Variants in PDE4C observed in about 807,000 individuals in gnomAD.
PDE4C encodes 3',5'-cyclic-AMP phosphodiesterase 4C.
In PDE4C, 50 loss-of-function variants were observed where a neutral mutation model predicts 63.9. The ratio of observed to expected loss-of-function variants is 0.78; its 90% CI spans 0.62 to 0.99. The LOEUF is 0.99. Ranked by LOEUF, PDE4C falls within the 50% of genes least tolerant of loss-of-function variation. The probability of loss-of-function intolerance (pLI) is 0.00; values close to 1 mark genes in which losing one functional copy is unlikely to be tolerated. For missense variants in PDE4C, 777 were observed against 899.1 expected (o/e 0.86, Z 1.74); for synonymous variants, 377 against 385.1 (o/e 0.98, Z 0.25).
intron 12 of PDE4C, among the ~76,000 whole-genome samples, chr19:18,214,055 G>A (rs904146188): frequency 5.9e-5 from 9 of 151,984 alleles, no homozygotes; most frequent in Admixed American, 2.0e-4. Context: ...TCAGGAGATC[G>A]AGACCATCCT....
upstream of PDE4C, among the ~76,000 whole-genome samples, chr19:18,237,741 C>T (rs1411959711): frequency 1.3e-5 from 2 of 151,344 alleles, no homozygotes; most frequent in Admixed American, 6.6e-5. Flanking sequence ...GGCGTGGTGG[C>T]GGGCGCCTGT....
intron 1 of PDE4C, among the ~76,000 whole-genome samples, chr19:18,239,535 C>G (rs1568267589): frequency 6.6e-6 from 1 of 152,186 alleles, no homozygotes; most frequent in Non-Finnish European, 1.5e-5. Context: ...GTGCGCCAGA[C>G]ACAGGCTGTG....
chr19:18,239,973 AAGATCTGGGCAAC>A (rs971332190), intron 1 of PDE4C, among the ~76,000 whole-genome samples: 97 of 151,802 alleles, frequency 6.4e-4, no homozygotes, highest in African/African-American at 2.0e-3. Context: ...TTGCAGTGGA[AAGATCTGGGCAAC>A]AGATCTGGGC....
At chr19:18,249,570 T>C (rs1446304387), upstream of PDE4C, among the ~76,000 whole-genome samples, 1 of 129,704 alleles carries the variant, frequency 7.7e-6, no homozygotes, top group African/African-American at 3.2e-5. Flanking sequence ...CCACTACGCC[T>C]GGCCCTATTT....
chr19:18,236,008 TCTC>T (rs1433339325), upstream of PDE4C, among the ~76,000 whole-genome samples: 1 of 151,800 alleles, frequency 6.6e-6, no homozygotes, highest in Non-Finnish European at 1.5e-5. Context: ...AGTGGTGTGA[TCTC>T]AGCTCACTGC....
intron 1 of PDE4C, among the ~76,000 whole-genome samples, chr19:18,242,866 C>T (rs1261163251): frequency 6.6e-6 from 1 of 150,590 alleles, no homozygotes; most frequent in South Asian, 2.1e-4. Context: ...TGGGTGAGGA[C>T]TTAGGATTTG....
upstream of PDE4C, among the ~76,000 whole-genome samples, chr19:18,233,978 C>T (rs1968904474): frequency 1.3e-5 from 2 of 152,192 alleles, no homozygotes; most frequent in Non-Finnish European, 2.9e-5. Context: ...AAACCCCCAC[C>T]CATGCCAGGC....
chr19:18,222,009 G>T, intron 2 of PDE4C, 123 bp downstream of exon 2: 1 of 799,096 alleles, frequency 1.3e-6, no homozygotes, highest in Non-Finnish European at 2.0e-6. Flanking sequence ...TGAGCTGTCT[G>T]GCAAACTCCT....
chr19:18,208,301 G>T, downstream of PDE4C: 1 of 152,412 alleles, frequency 6.6e-6, no homozygotes, highest in Non-Finnish European at 1.5e-5. Flanking sequence ...CACGCGAAGA[G>T]GGAGGCAGAG....
chr19:18,240,800 G>A (rs796414115), intron 1 of PDE4C, among the ~76,000 whole-genome samples: 10 of 152,362 alleles, frequency 6.6e-5, no homozygotes, highest in African/African-American at 2.2e-4. Context: ...AGTGGGGTGG[G>A]AGGAAGAGGG....
intron 2 of PDE4C, among the ~76,000 whole-genome samples, chr19:18,221,663 C>T (rs139561912): frequency 0.014 from 2,084 of 152,216 alleles, 51 homozygotes; most frequent in African/African-American, 0.047. Context: ...CTTGCTCTTT[C>T]GCCCAGGCTG....
At chr19:18,219,172 T>C (rs1968348968) in intron 8 of PDE4C, 62 bp downstream of exon 8, 2 of 1,610,324 alleles carry the variant, frequency 1.2e-6, no homozygotes, top group East Asian at 2.2e-5. Flanking sequence ...AGGCCCGAGA[T>C]AGGGCATCCA....
At chr19:18,233,391 C>T (rs1344835853) in exon 1 of PDE4C, 3 of 734,740 alleles carry the variant, frequency 4.1e-6, no homozygotes, top group South Asian at 3.0e-5. Context: ...CTGTCGATGC[C>T]CAGATGGTGC....
At chr19:18,237,860 G>A (rs1284360163), upstream of PDE4C, among the ~76,000 whole-genome samples, 3 of 115,616 alleles carry the variant, frequency 2.6e-5, no homozygotes, top group Admixed American at 1.0e-4. Flanking sequence ...GTGACAGAGC[G>A]AGACTCCATC....
chr19:18,247,815 C>T (rs1230505580), intron 1 of PDE4C, among the ~76,000 whole-genome samples: 2 of 152,158 alleles, frequency 1.3e-5, no homozygotes, highest in East Asian at 3.9e-4. Context: ...GAAGCTCACT[C>T]CCACACTCTC....
At chr19:18,219,457 CAG>C (rs1284959656) in intron 7 of PDE4C, 60 bp from the exon 8 acceptor site, 3 of 1,512,370 alleles carry the variant, frequency 2.0e-6, no homozygotes, top group African/African-American at 2.8e-5. Context: ...GGCCTGGCCT[CAG>C]GACCTGAATT....
rs111952904 is a variant in PDE4C, at chr19:18,213,520, G to A, written c.1390-30C>T. The A allele has an allele frequency of 5.5e-5, 88 of 1,599,928 alleles. 1 individual carries two copies. The African/African-American group carries it at 6.6e-4, about 12-fold the overall frequency. On this transcript the variant is annotated intron_variant, in intron 12 of 14. Transcript: ENST00000262805. ...GGGCAGGCAAGGGAAGGTGACAGGC[G>A]CGAGGACCCTGCCCACCCCAACCCT...
chr19:18,210,684 C>G (rs1967882053), exon 15 of PDE4C: 1 of 440,752 alleles, frequency 2.3e-6, no homozygotes, highest in African/African-American at 2.0e-5. Context: ...GAGAAAGACA[C>G]CAGGGCATCG....
chr19:18,221,916 G>A (rs1419692020), intron 2 of PDE4C, among the ~76,000 whole-genome samples: 3 of 152,148 alleles, frequency 2.0e-5, no homozygotes, highest in Non-Finnish European at 2.9e-5. Flanking sequence ...GTGAGCCACC[G>A]TGCCCGGCCG....
Sources: gnomAD v4.1 joint callset for allele counts (sites outside exome capture counted in the v4.1 genomes callset) on GRCh38, gnomAD v4.1.1 for gene constraint, MANE v1.5 for transcripts, NCBI Gene and HGNC (gene_info 2026-07-23, HGNC 2026-07-21) for gene names.